The following PTCD3 variants were observed in gnomAD, a reference collection of about 807,000 sequenced individuals.
PTCD3 encodes the protein pentatricopeptide repeat domain 3, also known as small ribosomal subunit protein mS39.
Under a neutral mutation model 101.9 loss-of-function variants are expected in PTCD3, and 89 were observed. The ratio of observed to expected loss-of-function variants is 0.87; its 90% CI spans 0.74 to 1.04. The LOEUF is 1.04. PTCD3 is among the 50% of genes least tolerant of loss of function. The probability of loss-of-function intolerance (pLI) is 0.00; values close to 1 mark genes in which losing one functional copy is unlikely to be tolerated. For missense variants in PTCD3, 870 were observed against 828.2 expected (o/e 1.05, Z -0.62); for synonymous variants, 296 against 278.5 (o/e 1.06, Z -0.63).
At chr2:86,115,320 C>T (rs1674159580) in intron 4 of PTCD3, among the ~76,000 whole-genome samples, 1 of 152,224 alleles carries the variant, frequency 6.6e-6, no homozygotes, top group Non-Finnish European at 1.5e-5. Flanking sequence ...GGATTAATTG[C>T]AGCAGTCTCT....
chr2:86,131,159 A>G lies in PTCD3; in HGVS notation c.1266+53A>G, dbSNP rs922169225. ...TATCCATTTCCTAAATTTATCTGTA[A>G]CTGGAGGGTTCTCCCTGGTTCTTTT... On this transcript the variant is annotated intron_variant, in intron 16 of 23. Transcript: ENST00000254630. 6 of 1,377,562 alleles carry G rather than the reference A, an allele frequency of 4.4e-6. No homozygotes were observed. In the East Asian group the frequency reaches 1.2e-4, roughly 27 times the overall value. The allele number at this position is 1,377,562 out of a possible 1,614,324, so 85.3% of individuals were successfully genotyped here.
chr2:86,129,410 G>A (rs759279385), intron 14 of PTCD3, among the ~76,000 whole-genome samples: 18 of 152,192 alleles, frequency 1.2e-4, no homozygotes, highest in Non-Finnish European at 1.9e-4. Flanking sequence ...AGCAATTTAG[G>A]AAGCCAAGGC....
intron 17 of PTCD3, chr2:86,132,681 C>T (rs1288025812): frequency 8.0e-6 from 3 of 372,932 alleles, no homozygotes; most frequent in African/African-American, 2.1e-5. Context: ...CCTCTACCCC[C>T]TCTCATTTTA....
chr2:86,121,328 A>T (rs1674276563), intron 7 of PTCD3, 151 bp from the exon 8 acceptor site: 1 of 491,162 alleles, frequency 2.0e-6, no homozygotes, highest in South Asian at 3.7e-5. Flanking sequence ...CAGGTGTTTA[A>T]GTTGACGTTG....
intron 1 of PTCD3, 87 bp downstream of exon 1, chr2:86,106,438 T>C (rs1673949801): frequency 7.2e-7 from 1 of 1,382,932 alleles, no homozygotes; most frequent in South Asian, 1.3e-5. Context: ...GTAGGCACGA[T>C]GAAATGGTTT....
chr2:86,133,502 G>GTGCTAACA, intron 19 of PTCD3, 66 bp downstream of exon 19: 1 of 1,411,102 alleles, frequency 7.1e-7, no homozygotes, highest in Non-Finnish European at 9.9e-7. Context: ...GATAATGAAT[G>GTGCTAACA]TGCTAACATT....
At chr2:86,109,149 T>C (rs1169534080) in intron 3 of PTCD3, among the ~76,000 whole-genome samples, 1 of 152,236 alleles carries the variant, frequency 6.6e-6, no homozygotes, top group Non-Finnish European at 1.5e-5. Context: ...CTTACGCCTG[T>C]AATCCCAGCA....
chr2:86,134,940 CTGTA>C lies in PTCD3; in HGVS notation c.1733_1736del (p.Cys578Ter), dbSNP rs1236363997. 10 of 1,614,076 alleles carry C rather than the reference CTGTA, an allele frequency of 6.2e-6. No homozygotes were observed. The highest frequency in any genetic ancestry group is 7.6e-6 in the Non-Finnish European group (9 of 1,180,026). On this transcript the variant is annotated frameshift_variant, in exon 21 of 24. Transcript: ENST00000254630. LOFTEE classifies it high-confidence loss of function. ...AGGATTGGCCAGCCACCTCTCTCAA[CTGTA>C]TAGCTATCCTCTTTTTAAGGGCTGG... is the stretch of plus-strand genomic sequence containing the variant.
chr2:86,129,458 TAG>T, intron 14 of PTCD3, among the ~76,000 whole-genome samples: 1 of 152,272 alleles, frequency 6.6e-6, no homozygotes, highest in East Asian at 1.9e-4. Flanking sequence ...GAAACCAACA[TAG>T]AGAGACCTCC....
In PTCD3 at chr2:86,123,261, TAAAAAAAAA is replaced by T. The variant is rs3077184; in HGVS notation, c.655-431_655-423del. ...TGGGCGAGAGAGCGAGACTCTGTCTTAAAAAAAAAAAAAAAAAGAAGTCTTAGTTTGCTT... is the reference window on the plus strand; with the variant it reads ...TGGGCGAGAGAGCGAGACTCTGTCTTAAAAAAAAGAAGTCTTAGTTTGCTT... On this transcript the variant is annotated intron_variant, in intron 8 of 23. Transcript: ENST00000254630. 7.7e-5 allele frequency among the ~76,000 whole-genome samples: 11 copies of T among 142,094 alleles called. No individual in the cohort carries two copies. In the East Asian group the frequency reaches 2.3e-3, roughly 29 times the overall value. 93.2% of individuals were successfully genotyped at this position (142,094 alleles called of 152,430 possible).
intron 15 of PTCD3, 75 bp from the exon 16 acceptor site, chr2:86,131,003 T>G (rs999874531): frequency 6.7e-7 from 1 of 1,491,436 alleles, no homozygotes; most frequent in Non-Finnish European, 9.2e-7. Context: ...GTTGGCAGGA[T>G]TTTTGTTAAT....
intron 6 of PTCD3, among the ~76,000 whole-genome samples, chr2:86,117,520 T>C (rs1386203908): frequency 6.6e-6 from 1 of 151,360 alleles, no homozygotes; most frequent in African/African-American, 2.4e-5. Context: ...CAATCATAGC[T>C]CATTGCAGCC....
rs761649181 is a variant in PTCD3, at chr2:86,106,337, G to C, written c.90G>C (p.Gln30His). Residue 30 changes from glutamine to histidine, a missense_variant, in exon 1 of 24, where the codon CAG becomes CAC. Physicochemically the swap from Gln to His is conservative, Grantham distance 24 (BLOSUM62 0). Transcript: ENST00000254630. ...GTCGGCGGGCGGGTTTGTGTGAACA[G>C]GCACGCAGCTGCAGGTAAGAGACGC... ...LTGRRAGLCE[Q>H]ARSCRFYSGS... 3 of 1,614,026 alleles carry C rather than the reference G, an allele frequency of 1.9e-6. No individual in the cohort carries two copies. The highest frequency in any genetic ancestry group is 2.2e-5 in the South Asian group (2 of 91,028).
At chr2:86,106,721 G>C (rs1673958980) in intron 1 of PTCD3, among the ~76,000 whole-genome samples, 1 of 152,176 alleles carries the variant, frequency 6.6e-6, no homozygotes, top group Non-Finnish European at 1.5e-5. Context: ...GAACGTACAA[G>C]ATCTTCCCAA....
At chr2:86,106,384 C>T in intron 1 of PTCD3, 33 bp downstream of exon 1, 2 of 1,595,078 alleles carry the variant, frequency 1.3e-6, no homozygotes, top group South Asian at 2.2e-5. Flanking sequence ...GCGAAGAAGA[C>T]CGCGGAGTCA....
intron 12 of PTCD3, among the ~76,000 whole-genome samples, chr2:86,126,766 G>A (rs1674400570): frequency 6.6e-6 from 1 of 151,894 alleles, no homozygotes; most frequent in Non-Finnish European, 1.5e-5. Context: ...CAGCCCACGA[G>A]GCAGAGGTTG....
Position 86,109,365 on chromosome 2 carries a change from C to A in PTCD3, c.194+829C>A, listed in dbSNP as rs190896226. Reference sequence around the variant, plus strand: ...GAGCTTGCAGTGAGCCGAGGTCGCGCCACTGCACTCCAGCCTGGGCGACAG... The same window carrying A: ...GAGCTTGCAGTGAGCCGAGGTCGCGACACTGCACTCCAGCCTGGGCGACAG... On this transcript the variant is annotated intron_variant, in intron 3 of 23. Coordinates refer to ENST00000254630, the MANE Select transcript of PTCD3 (RefSeq NM_017952.6). Among the ~76,000 whole-genome samples the A allele has an allele frequency of 6.8e-3, 1,035 of 151,508 alleles. 15 individuals are homozygous for A. The highest frequency in any genetic ancestry group is 0.023 in the African/African-American group (953 of 41,256).
chr2:86,141,269 C>T lies in PTCD3; in HGVS notation c.*3710C>T, dbSNP rs10174095. The T allele has an allele frequency of 0.075, 11,370 of 152,340 alleles. 764 individuals are homozygous for T. Among genetic ancestry groups the T allele is most frequent in the East Asian group, 0.22 (1,163 of 5,176 alleles). 9.4% of individuals were successfully genotyped at this position (152,340 alleles called of 1,614,324 possible). On this transcript the variant is annotated 3_prime_UTR_variant, in exon 24 of 24. Coordinates refer to ENST00000254630, the MANE Select transcript of PTCD3 (RefSeq NM_017952.6). ...CCCCATCCTTTGCTTCCTCAAGCTC[C>T]CTGCCAACCTCTGGATACATCAATG...
chr2:86,117,218 G>A, intron 6 of PTCD3, 59 bp downstream of exon 6: 1 of 658,116 alleles, frequency 1.5e-6, no homozygotes. Flanking sequence ...ATTAAACCAG[G>A]CTTTCATGGC....
Sources: allele counts gnomAD v4.1 joint callset (sites outside exome capture counted in the v4.1 genomes callset), GRCh38; gene constraint gnomAD v4.1.1; transcripts MANE v1.5; gene names NCBI Gene and HGNC (gene_info 2026-07-23, HGNC 2026-07-21).